Variants in SOBP observed in about 807,000 individuals in gnomAD.
SOBP encodes the protein sine oculis binding protein homolog.
In SOBP, 4 loss-of-function variants were observed where a neutral mutation model predicts 53.6. The ratio of observed to expected loss-of-function variants is 0.07; its 90% CI spans 0.04 to 0.17. SOBP has a LOEUF of 0.17. Among genes scored for constraint, SOBP ranks in the 10% least tolerant of loss-of-function variants. The pLI is 1.00. For synonymous variants in SOBP, 584 were observed against 522.6 expected (o/e 1.12, Z -1.60); for missense variants, 1,088 against 1,204.7 (o/e 0.90, Z 1.43).
intron 4 of SOBP, among the ~76,000 whole-genome samples, chr6:107,566,495 AG>A (rs1325631706): frequency 6.6e-6 from 1 of 152,240 alleles, no homozygotes; most frequent in African/African-American, 2.4e-5. Flanking sequence ...TCTTCAGGAA[AG>A]GGGGCTGGAA....
At chr6:107,578,278 C>A (rs1785299657) in intron 4 of SOBP, among the ~76,000 whole-genome samples, 1 of 138,782 alleles carries the variant, frequency 7.2e-6, no homozygotes, top group South Asian at 2.6e-4. Flanking sequence ...TGTCATTAAA[C>A]ACTCTCTTTT....
chr6:107,498,890 G>A (rs1208219880), intron 1 of SOBP, among the ~76,000 whole-genome samples: 1 of 152,116 alleles, frequency 6.6e-6, no homozygotes, highest in Non-Finnish European at 1.5e-5. Context: ...GAAGGAAAGA[G>A]GCAGGGAAAT....
At chr6:107,580,101 A>G (rs1363971398) in intron 4 of SOBP, among the ~76,000 whole-genome samples, 4 of 152,202 alleles carry the variant, frequency 2.6e-5, no homozygotes, top group Admixed American at 1.3e-4. Context: ...AGGGAGGGCA[A>G]GGGATCCTTA....
Position 107,539,410 on chromosome 6 carries a change from A to T in SOBP, c.573+5800A>T, listed in dbSNP as rs142581678. ...TAAATCAGAATCCGGTCACCTGGGG[A>T]TCAATACACAGTGCTATTGACATAT... On this transcript the variant is annotated intron_variant, in intron 4 of 6. Coordinates refer to ENST00000317357, the MANE Select transcript of SOBP (RefSeq NM_018013.4). 4.6e-5 allele frequency among the ~76,000 whole-genome samples: 7 copies of T among 152,328 alleles called. No individual in the cohort carries two copies. In the East Asian group the frequency reaches 9.6e-4, roughly 21 times the overall value.
At chr6:107,497,252 TTTGGAA>T (rs1162989829) in intron 1 of SOBP, among the ~76,000 whole-genome samples, 2 of 152,212 alleles carry the variant, frequency 1.3e-5, no homozygotes, top group Non-Finnish European at 2.9e-5. Flanking sequence ...TTATAAATTG[TTTGGAA>T]TTGGGAGTTT....
Position 107,635,441 on chromosome 6 carries a change from T to C in SOBP, c.2597T>C (p.Leu866Pro), listed in dbSNP as rs772087779. The change falls in exon 6 of 7, where the codon CTC becomes CCC. Residue 866 changes from leucine to proline, a missense_variant. Transcript: ENST00000317357. This position sits in a 1 kb window ranked among gnomAD's most constrained non-coding sequence, Gnocchi z 4.5. ...GAGCCGCCGCTCAAAAGGAGGTGCC[T>C]CCGAATTAGAAATCAGAATAAGTAA... Reference protein sequence around the residue: ...DLEPPLKRRCLRIRNQNK With the variant: ...DLEPPLKRRCPRIRNQNK The C allele has an allele frequency of 6.2e-7, 1 of 1,613,368 alleles. No individual in the cohort carries two copies. The highest frequency in any genetic ancestry group is 8.5e-7 in the Non-Finnish European group (1 of 1,180,004).
chr6:107,633,961 G>A lies in SOBP; in HGVS notation c.1117G>A (p.Gly373Arg), dbSNP rs775449086. 2.5e-6 allele frequency: 4 copies of A among 1,614,116 alleles called. No homozygotes were observed. Among genetic ancestry groups the A allele is most frequent in the Non-Finnish European group, 3.4e-6 (4 of 1,180,010 alleles). ...PVSVQPPASI[G>R]PPLGVPPRSP... Reference sequence around the variant, plus strand: ...CTCCGTCCAGCCACCTGCTAGCATCGGGCCTCCCCTTGGCGTCCCGCCTCG... The same window carrying A: ...CTCCGTCCAGCCACCTGCTAGCATCAGGCCTCCCCTTGGCGTCCCGCCTCG... Residue 373 changes from glycine (G) to arginine (R), a missense_variant, in exon 6 of 7, where the codon GGG becomes AGG. By Grantham distance (125) the Gly-to-Arg change is moderately radical. This residue lies in a region of SOBP where 211 missense variants were observed against 258.9 expected (regional missense o/e 0.82). Transcript: ENST00000317357.
In SOBP at chr6:107,635,094, G is replaced by C; in HGVS notation, c.2250G>C (p.Pro750=). 1.9e-6 allele frequency: 3 copies of C among 1,595,366 alleles called. No homozygotes were observed. The highest frequency in any genetic ancestry group is 2.6e-6 in the Non-Finnish European group (3 of 1,171,164). Reference sequence around the variant, plus strand: ...CCGAGCAGCCGCCGCCGCCGCCGCCGCCCGCGCCCCCCAAGAAGCTGCTGT... The same window carrying C: ...CCGAGCAGCCGCCGCCGCCGCCGCCCCCCGCGCCCCCCAAGAAGCTGCTGT... ...PPPEQPPPPP[P]PAPPKKLLSP... Residue 750 remains proline (P), a synonymous_variant, in exon 6 of 7, where the codon CCG becomes CCC. Coordinates refer to ENST00000317357, the MANE Select transcript of SOBP (RefSeq NM_018013.4). This position sits in a 1 kb window ranked among gnomAD's most constrained non-coding sequence, Gnocchi z 4.5.
intron 3 of SOBP, chr6:107,529,542 G>T (rs1391271423): frequency 2.0e-6 from 2 of 985,404 alleles, no homozygotes; most frequent in South Asian, 4.7e-5. Context: ...TTACAAAGGG[G>T]TGGTAAATCT....
At chr6:107,615,510 C>T (rs1786753280) in intron 5 of SOBP, among the ~76,000 whole-genome samples, 1 of 152,142 alleles carries the variant, frequency 6.6e-6, no homozygotes, top group African/African-American at 2.4e-5. Flanking sequence ...CTCACCTGCC[C>T]CTAGTCTGTC....
intron 5 of SOBP, among the ~76,000 whole-genome samples, chr6:107,607,425 G>A (rs923619757): frequency 1.3e-5 from 2 of 152,182 alleles, no homozygotes; most frequent in African/African-American, 4.8e-5. Context: ...GCCTCCAGCT[G>A]GCCCCTCGTG....
In SOBP at chr6:107,520,862, C is replaced by A. The variant is rs573082527; in HGVS notation, c.422-12597C>A. On this transcript the variant is annotated intron_variant, in intron 3 of 6. Coordinates refer to ENST00000317357, the MANE Select transcript of SOBP (RefSeq NM_018013.4). ...TCTAAGGCAACTTTGTTCTCAAAGG[C>A]AGTGCCCTTGGCCAAGAGGATTTGA... Among the ~76,000 whole-genome samples the A allele has an allele frequency of 5.9e-5, 9 of 152,302 alleles. No individual in the cohort carries two copies. In the South Asian group the frequency reaches 1.4e-3, roughly 25 times the overall value.
intron 3 of SOBP, among the ~76,000 whole-genome samples, 191 bp downstream of exon 3, chr6:107,506,618 T>C (rs1251842893): frequency 6.6e-6 from 1 of 152,196 alleles, no homozygotes; most frequent in Admixed American, 6.5e-5. Flanking sequence ...TACCTACTAC[T>C]ACTTAGGCTA....
chr6:107,568,746 G>A (rs1408022827), intron 4 of SOBP, among the ~76,000 whole-genome samples: 1 of 152,106 alleles, frequency 6.6e-6, no homozygotes, highest in African/African-American at 2.4e-5. Context: ...ATCCTATATT[G>A]TAATTCTTAT....
rs1315066849 is a variant in SOBP, at chr6:107,535,639, T to TG, written c.573+2029_573+2030insG. ...TGTGTGTGTGTGTGTGTGTGTGTGT[T>TG]TTTTTTTTTTCCAAATAGAGAAATA... is the stretch of plus-strand genomic sequence containing the variant. On this transcript the variant is annotated intron_variant, in intron 4 of 6. Transcript: ENST00000317357. Among the ~76,000 whole-genome samples the TG allele has an allele frequency of 1.8e-3, 231 of 129,704 alleles. 2 individuals carry two copies. The highest frequency in any genetic ancestry group is 3.3e-3 in the African/African-American group (90 of 27,110). The allele number at this position is 129,704 out of a possible 152,430, so 85.1% of individuals were successfully genotyped here.
intron 3 of SOBP, among the ~76,000 whole-genome samples, chr6:107,519,019 A>G (rs1262827267): frequency 6.6e-6 from 1 of 151,654 alleles, no homozygotes; most frequent in African/African-American, 2.4e-5. Flanking sequence ...ATCATAGTGA[A>G]GCCTAAAAAT....
intron 5 of SOBP, among the ~76,000 whole-genome samples, chr6:107,625,513 T>G (rs1455003891): frequency 6.6e-6 from 1 of 152,194 alleles, no homozygotes; most frequent in African/African-American, 2.4e-5. Context: ...GAAAGTGGGC[T>G]AAGGTAGTGG....
chr6:107,619,432 T>G (rs1009742480), intron 5 of SOBP, among the ~76,000 whole-genome samples: 2 of 152,222 alleles, frequency 1.3e-5, no homozygotes, highest in Non-Finnish European at 2.9e-5. Flanking sequence ...CATGGCAGCC[T>G]GCACTGAGAA....
intron 5 of SOBP, among the ~76,000 whole-genome samples, chr6:107,617,443 A>T (rs979729932): frequency 1.3e-5 from 2 of 152,172 alleles, no homozygotes; most frequent in Admixed American, 6.5e-5. Flanking sequence ...GGTTGAACAG[A>T]GGGTTTGTGT....
Sources: allele counts gnomAD v4.1 joint callset (sites outside exome capture counted in the v4.1 genomes callset), GRCh38; gene constraint gnomAD v4.1.1; regional missense constraint gnomAD v4.1.1; non-coding constraint Gnocchi (gnomAD v3.1); transcripts MANE v1.5; gene names NCBI Gene and HGNC (gene_info 2026-07-23, HGNC 2026-07-21).